MZT2B: variants seen among roughly 807,000 people sequenced by gnomAD.
MZT2B encodes mitotic-spindle organizing protein 2B.
Under a neutral mutation model 12.1 loss-of-function variants are expected in MZT2B, and 11 were observed. The observed-to-expected ratio is 0.91, with a 90% CI of 0.57 to 1.50. The LOEUF is 1.50. MZT2B is among the 40% of genes most tolerant of loss of function. The pLI is 0.00. For missense variants in MZT2B, 209 were observed against 227.7 expected (o/e 0.92, Z 0.53); for synonymous variants, 85 against 109.5 (o/e 0.78, Z 1.40).
downstream of MZT2B, chr2:130,191,728 C>A (rs1690262641): frequency 4.6e-6 from 7 of 1,530,536 alleles, no homozygotes; most frequent in Non-Finnish European, 6.1e-6. Context: ...AGCTAAGCTG[C>A]ATGACACTCA....
At chr2:130,200,968 C>G in the MZT2B span, among the ~76,000 whole-genome samples, 1 of 152,160 alleles carries the variant, frequency 6.6e-6, no homozygotes, top group East Asian at 1.9e-4. Context: ...GCTGGCTTAC[C>G]CCCAGCTCAT....
the MZT2B span, among the ~76,000 whole-genome samples, chr2:130,198,150 G>A: frequency 3.3e-5 from 4 of 122,912 alleles, 2 homozygotes; most frequent in Non-Finnish European, 7.2e-5. Context: ...CTAAAGGCCG[G>A]CAGCTTCATC....
the MZT2B span, among the ~76,000 whole-genome samples, chr2:130,200,174 G>A: frequency 4.8e-4 from 73 of 152,062 alleles, no homozygotes; most frequent in Non-Finnish European, 8.4e-4. Context: ...GGCGGATCGC[G>A]AGGTCAGGAG....
chr2:130,196,574 T>C, the MZT2B span, among the ~76,000 whole-genome samples: 3 of 152,238 alleles, frequency 2.0e-5, no homozygotes, highest in African/African-American at 2.4e-5. Flanking sequence ...TAGTAAGTTC[T>C]AGAAGTAGCC....
the MZT2B span, chr2:130,198,213 C>G: frequency 1.1e-6 from 1 of 939,344 alleles, no homozygotes. Flanking sequence ...AGGAAACGAT[C>G]CCGTGTCCTC....
downstream of MZT2B, chr2:130,193,946 G>C (rs752274531): frequency 1.2e-6 from 2 of 1,614,226 alleles, no homozygotes; most frequent in Admixed American, 3.3e-5. Flanking sequence ...CATCTGATTG[G>C]CTGGCTCGAA....
downstream of MZT2B, chr2:130,193,679 A>C (rs1361226163): frequency 7.1e-7 from 1 of 1,406,176 alleles, no homozygotes; most frequent in African/African-American, 1.4e-5. Context: ...CCACATGCCT[A>C]GCCCATGGAA....
At chr2:130,202,460 T>A in the MZT2B span, 1,865 of 1,279,448 alleles carry the variant, frequency 1.5e-3, 22 homozygotes, top group African/African-American at 0.027. Flanking sequence ...TGGTTCTGGG[T>A]GAGAAAGGCT....
chr2:130,184,344 G>T, intron 2 of MZT2B: 1 of 985,458 alleles, frequency 1.0e-6, no homozygotes, highest in Non-Finnish European at 1.2e-6. Context: ...CCCTTATCTG[G>T]ACAGGAAGTC....
chr2:130,198,248 C>T, the MZT2B span: 43 of 1,226,374 alleles, frequency 3.5e-5, 10 homozygotes, highest in Non-Finnish European at 4.5e-5. Flanking sequence ...ACCCTGCGTC[C>T]TTCTCTGGCC....
chr2:130,191,606 T>C (rs1690259800), downstream of MZT2B: 11 of 575,076 alleles, frequency 1.9e-5, no homozygotes, highest in Middle Eastern at 4.6e-4. Context: ...GTTACTTCTG[T>C]GGCAGCTGCT....
downstream of MZT2B, chr2:130,192,209 C>G: frequency 2.6e-6 from 4 of 1,534,714 alleles, no homozygotes; most frequent in Non-Finnish European, 2.6e-6. Context: ...AAACAGAAGA[C>G]ACCCTGTAGG....
chr2:130,183,511 C>T (rs541473636), intron 2 of MZT2B: 14 of 570,494 alleles, frequency 2.5e-5, no homozygotes, highest in East Asian at 2.2e-4. Flanking sequence ...TCATCCTCTC[C>T]GCATGTTGCT....
At chr2:130,199,605 A>C in the MZT2B span, among the ~76,000 whole-genome samples, 2 of 122,122 alleles carry the variant, frequency 1.6e-5, no homozygotes, top group Non-Finnish European at 3.6e-5. Context: ...CTGGAGATGC[A>C]AGTTGTCTTA....
Position 130,182,655 on chromosome 2 carries a change from G to A in MZT2B, c.199G>A (p.Val67Met), listed in dbSNP as rs1689789123. 6.5e-7 allele frequency: 1 copy of A among 1,550,216 alleles called. No individual in the cohort carries two copies. The highest frequency in any genetic ancestry group is 1.4e-5 in the African/African-American group (1 of 73,308). The change falls in exon 2 of 3, where the codon GTG becomes ATG. Residue 67 changes from valine to methionine, a missense_variant. Transcript: ENST00000281871. The stretch of plus-strand genomic sequence containing the variant: ...CCTGGTGGACCTGCTGAAGCTGAAC[G>A]TGGCCCCCCTCGCCGTCTTCCAGAT... ...KILVDLLKLN[V>M]APLAVFQMLK... is the part of the protein sequence containing the mutation.
At chr2:130,184,502 G>A in intron 2 of MZT2B, 1 of 985,442 alleles carries the variant, frequency 1.0e-6, no homozygotes, top group South Asian at 4.7e-5. Flanking sequence ...GGTGTCAGCA[G>A]GTGTGATCAG....
downstream of MZT2B, among the ~76,000 whole-genome samples, chr2:130,192,868 C>A (rs940593592): frequency 3.3e-5 from 5 of 152,114 alleles, no homozygotes; most frequent in Non-Finnish European, 7.4e-5. Context: ...GACAGGCGGG[C>A]AGATCACGTG....
upstream of MZT2B, chr2:130,181,674 A>C (rs748015919): frequency 1.9e-5 from 30 of 1,550,146 alleles, no homozygotes; most frequent in Admixed American, 9.8e-5. Context: ...CGTTACCTCA[A>C]AAGGCGCGTG....
At chr2:130,195,323 G>A, downstream of MZT2B, 1 of 1,509,306 alleles carries the variant, frequency 6.6e-7, no homozygotes, top group Non-Finnish European at 8.9e-7. Flanking sequence ...AGCACATGCT[G>A]TTCAAAGTAC....
Sources: allele counts gnomAD v4.1 joint callset (sites outside exome capture counted in the v4.1 genomes callset), GRCh38; gene constraint gnomAD v4.1.1; transcripts MANE v1.5; gene names NCBI Gene and HGNC (gene_info 2026-07-23, HGNC 2026-07-21).